Variants in TPD52L1 observed in about 807,000 individuals in gnomAD.
TPD52L1 encodes the protein tumor protein D53.
In TPD52L1, 18 loss-of-function variants were observed where a neutral mutation model predicts 28.7. The ratio of observed to expected loss-of-function variants is 0.63; its 90% CI spans 0.43 to 0.93. TPD52L1 has a LOEUF of 0.93. TPD52L1 is among the 40% of genes least tolerant of loss of function. The pLI is 0.00. For synonymous variants in TPD52L1, 75 were observed against 88.8 expected (o/e 0.84, Z 0.88); for missense variants, 203 against 254.8 (o/e 0.80, Z 1.39).
At chr6:125,205,030 T>C (rs528603727) in intron 1 of TPD52L1, among the ~76,000 whole-genome samples, 1 of 152,214 alleles carries the variant, frequency 6.6e-6, no homozygotes, top group Non-Finnish European at 1.5e-5. Flanking sequence ...AATCTTTTGC[T>C]GTTCATTTGG....
At chr6:125,185,810 T>C (rs1792565973) in intron 1 of TPD52L1, among the ~76,000 whole-genome samples, 1 of 151,916 alleles carries the variant, frequency 6.6e-6, no homozygotes. Flanking sequence ...AGAGAAAAGT[T>C]AGAAATGAGA....
intron 1 of TPD52L1, 166 bp downstream of exon 1, chr6:125,154,136 TCA>T: frequency 7.1e-7 from 1 of 1,400,084 alleles, no homozygotes; most frequent in Non-Finnish European, 9.3e-7. Context: ...CTGCCCAAAC[TCA>T]GGATTTGCTG....
intron 1 of TPD52L1, chr6:125,203,731 C>A (rs1483306411): frequency 1.0e-6 from 1 of 985,362 alleles, no homozygotes; most frequent in Non-Finnish European, 1.2e-6. Flanking sequence ...CCAGTTGGCT[C>A]CCCTGGAGTG....
At chr6:125,233,858 T>C (rs749819026) in intron 3 of TPD52L1, among the ~76,000 whole-genome samples, 17 of 152,334 alleles carry the variant, frequency 1.1e-4, no homozygotes, top group South Asian at 1.0e-3. Context: ...TAGTAAAACA[T>C]GTCAAGTGGA....
intron 1 of TPD52L1, among the ~76,000 whole-genome samples, chr6:125,175,131 C>T (rs1274180373): frequency 6.6e-6 from 1 of 152,038 alleles, no homozygotes; most frequent in Non-Finnish European, 1.5e-5. Flanking sequence ...TCCTAGCTAG[C>T]ATTTAAGCTC....
Position 125,153,980 on chromosome 6 carries a change from C to T in TPD52L1, c.19+10C>T. ...GAGGCGCAGGCACAAGGTGAGTGGT[C>T]GCCGATCGCCCCGAGAGTCAGGTCC... On this transcript the variant is annotated intron_variant, in intron 1 of 6. Coordinates refer to ENST00000534000, the MANE Select transcript of TPD52L1 (RefSeq NM_003287.4). The T allele has an allele frequency of 6.2e-7, 1 of 1,606,232 alleles. No individual in the cohort carries two copies.
At chr6:125,167,179 A>G (rs79935727) in intron 1 of TPD52L1, among the ~76,000 whole-genome samples, 12,438 of 152,094 alleles carry the variant, frequency 0.082, 555 homozygotes, top group Middle Eastern at 0.11. Context: ...TGGGAGGGTG[A>G]CTTGAGCTTA....
chr6:125,241,799 C>T (rs1468487297), intron 3 of TPD52L1, among the ~76,000 whole-genome samples: 1 of 148,208 alleles, frequency 6.7e-6, no homozygotes, highest in Non-Finnish European at 1.5e-5. Context: ...ACTTTTATAT[C>T]TTTTTTTTGT....
intron 1 of TPD52L1, among the ~76,000 whole-genome samples, chr6:125,155,823 A>C (rs1234629858): frequency 6.6e-6 from 1 of 152,208 alleles, no homozygotes; most frequent in East Asian, 1.9e-4. Flanking sequence ...TCCTGTGCGC[A>C]GCAGTCCCAT....
chr6:125,202,802 G>A (rs894227964), intron 1 of TPD52L1, among the ~76,000 whole-genome samples: 2 of 111,794 alleles, frequency 1.8e-5, no homozygotes, highest in African/African-American at 7.7e-5. Flanking sequence ...CCTTGCTCTT[G>A]TCACCCAGGC....
intron 1 of TPD52L1, among the ~76,000 whole-genome samples, chr6:125,203,129 G>T (rs1468668499): frequency 6.6e-6 from 1 of 152,126 alleles, no homozygotes; most frequent in African/African-American, 2.4e-5. Context: ...GGAAATGAGG[G>T]TGGGATACAG....
intron 1 of TPD52L1, among the ~76,000 whole-genome samples, chr6:125,203,301 G>GT (rs1490900478): frequency 1.3e-5 from 2 of 151,976 alleles, no homozygotes; most frequent in African/African-American, 2.4e-5. Context: ...ATTTTTGTTT[G>GT]TTTTTTTGCA....
chr6:125,263,031 A>G lies in TPD52L1; in HGVS notation c.*69A>G. On this transcript the variant is annotated 3_prime_UTR_variant, in exon 7 of 7. Transcript: ENST00000534000. ...AGCCCATCTCTGCCTGTGCTTATCC[A>G]GATAAGAAGACCAAAATCCCGCTGG... 1 of 1,490,798 alleles carries G rather than the reference A, an allele frequency of 6.7e-7. No individual in the cohort carries two copies. The highest frequency in any genetic ancestry group is 1.3e-5 in the South Asian group (1 of 76,702). 92.3% of individuals were successfully genotyped at this position (1,490,798 alleles called of 1,614,324 possible).
At chr6:125,162,276 AT>A (rs547009148) in intron 1 of TPD52L1, among the ~76,000 whole-genome samples, 54 of 152,294 alleles carry the variant, frequency 3.5e-4, no homozygotes, top group Non-Finnish European at 6.5e-4. Context: ...ATTTTAAATT[AT>A]TTTAAAATCT....
Position 125,248,345 on chromosome 6 carries a change from C to T in TPD52L1, c.348C>T (p.Asn116=), listed in dbSNP as rs773241133. Residue 116 remains asparagine, a synonymous_variant, in exon 4 of 7, where the codon AAC becomes AAT. Coordinates refer to ENST00000534000, the MANE Select transcript of TPD52L1 (RefSeq NM_003287.4). ...AGQKATAAFS[N]VGTAISKKFG... ...AAAAGGCAACTGCAGCTTTCAGCAA[C>T]GTTGGAACGGCCATCAGCAAGAAGT... The T allele has an allele frequency of 7.4e-6, 12 of 1,614,164 alleles. No homozygotes were observed. Among genetic ancestry groups the T allele is most frequent in the Middle Eastern group, 1.6e-4 (1 of 6,062 alleles).
Position 125,172,152 on chromosome 6 carries a change from CTTTCTTTTCTTT to C in TPD52L1, c.19+18183_19+18194del, listed in dbSNP as rs1562211396. On this transcript the variant is annotated intron_variant, in intron 1 of 6. Coordinates refer to ENST00000534000, the MANE Select transcript of TPD52L1 (RefSeq NM_003287.4). ...TCTTTCTTTCTTTCTTTCTTTCTTTCTTTCTTTTCTTTCTTTCTTTCTTTCTTTCTTTCTTTC... is the reference window on the plus strand; with the variant it reads ...TCTTTCTTTCTTTCTTTCTTTCTTTCCTTTCTTTCTTTCTTTCTTTCTTTC... 2.1e-4 allele frequency among the ~76,000 whole-genome samples: 11 copies of C among 51,344 alleles called. No homozygotes were observed. The East Asian group carries it at 5.9e-3, about 28-fold the overall frequency. 33.7% of individuals were successfully genotyped at this position (51,344 alleles called of 152,430 possible).
At chr6:125,172,356 G>A (rs1454349931) in intron 1 of TPD52L1, among the ~76,000 whole-genome samples, 1 of 139,544 alleles carries the variant, frequency 7.2e-6, no homozygotes, top group Non-Finnish European at 1.5e-5. Context: ...GTGCAGTGGT[G>A]CAATCCTGCT....
chr6:125,233,296 A>C (rs1008822451), intron 3 of TPD52L1, among the ~76,000 whole-genome samples: 1 of 152,236 alleles, frequency 6.6e-6, no homozygotes, highest in Non-Finnish European at 1.5e-5. Context: ...GTGCTCAAAA[A>C]TTGAACGTTA....
intron 1 of TPD52L1, among the ~76,000 whole-genome samples, chr6:125,161,718 G>A (rs1765958240): frequency 6.6e-6 from 1 of 152,090 alleles, no homozygotes. Flanking sequence ...ATCTTATATG[G>A]GCATAGTTCA....
Sources: allele counts gnomAD v4.1 joint callset (sites outside exome capture counted in the v4.1 genomes callset), GRCh38; gene constraint gnomAD v4.1.1; transcripts MANE v1.5; gene names NCBI Gene and HGNC (gene_info 2026-07-23, HGNC 2026-07-21).